Variants in SLC35D1 observed in about 807,000 individuals in gnomAD.
The protein encoded by SLC35D1 is nucleotide sugar transporter SLC35D1.
In SLC35D1, 31 loss-of-function variants were observed where a neutral mutation model predicts 46.7. The ratio of observed to expected loss-of-function variants is 0.66; its 90% CI spans 0.50 to 0.90. The LOEUF (loss-of-function observed/expected upper bound fraction) is 0.90, where lower values mean the gene tolerates loss of function less well. Among genes scored for constraint, SLC35D1 ranks in the 40% least tolerant of loss-of-function variants. The pLI is 0.00. For synonymous variants in SLC35D1, 195 were observed against 164.6 expected, an observed-to-expected ratio of 1.18 and a Z score of -1.41; for missense variants, 397 against 426.2, an observed-to-expected ratio of 0.93 and a Z score of 0.60.
chr1:66,994,876 C>A (rs1570596087), downstream of SLC35D1, among the ~76,000 whole-genome samples: 2 of 130,306 alleles, frequency 1.5e-5, no homozygotes, highest in African/African-American at 2.9e-5. Context: ...AAAATGTTCC[C>A]AAAGTTAAAA....
the SLC35D1 span, among the ~76,000 whole-genome samples, chr1:66,988,899 T>C: frequency 6.6e-6 from 1 of 152,228 alleles, no homozygotes; most frequent in Non-Finnish European, 1.5e-5. Context: ...GGCAGCAAAG[T>C]GTTAATGGTA....
At chr1:66,978,617 A>G in the SLC35D1 span, among the ~76,000 whole-genome samples, 2 of 152,236 alleles carry the variant, frequency 1.3e-5, no homozygotes, top group African/African-American at 4.8e-5. Context: ...TCAAGGTATT[A>G]TATAGGGAAA....
At chr1:67,029,272 A>C (rs1570626552) in intron 8 of SLC35D1, among the ~76,000 whole-genome samples, 1 of 152,244 alleles carries the variant, frequency 6.6e-6, no homozygotes, top group African/African-American at 2.4e-5. Flanking sequence ...CTCCAGACAG[A>C]CATTGCAAAT....
At chr1:66,986,021 A>G in the SLC35D1 span, 2 of 993,652 alleles carry the variant, frequency 2.0e-6, no homozygotes, top group African/African-American at 1.7e-5. Flanking sequence ...TATATGCATC[A>G]TAAAATTTCC....
intron 8 of SLC35D1, among the ~76,000 whole-genome samples, chr1:67,030,927 A>C (rs1031463928): frequency 6.6e-6 from 1 of 152,198 alleles, no homozygotes; most frequent in Non-Finnish European, 1.5e-5. Context: ...TGTGGGACAG[A>C]AAGGCCAGAT....
intron 7 of SLC35D1, among the ~76,000 whole-genome samples, chr1:67,042,835 G>A (rs776193453): frequency 9.2e-5 from 14 of 151,950 alleles, no homozygotes; most frequent in African/African-American, 1.9e-4. Context: ...AGGCTGAGGC[G>A]GACAGATTGC....
intron 6 of SLC35D1, 26 bp downstream of exon 6, chr1:67,049,756 G>A (rs200637137): frequency 6.3e-7 from 1 of 1,588,508 alleles, no homozygotes; most frequent in East Asian, 2.2e-5. Flanking sequence ...AATTTATAAT[G>A]TGCTAGTCAT....
At chr1:67,016,789 CAG>C (rs1667694605) in intron 10 of SLC35D1, among the ~76,000 whole-genome samples, 1 of 152,020 alleles carries the variant, frequency 6.6e-6, no homozygotes, top group Non-Finnish European at 1.5e-5. Flanking sequence ...TAATAGGACA[CAG>C]AGACACTGGT....
the SLC35D1 span, chr1:66,984,990 T>C: frequency 7.0e-7 from 1 of 1,438,310 alleles, no homozygotes; most frequent in Non-Finnish European, 9.1e-7. Flanking sequence ...GTTGATTTCC[T>C]TGAAGCAGTT....
chr1:67,019,964 C>A (rs1304106836), intron 10 of SLC35D1, among the ~76,000 whole-genome samples: 3 of 151,946 alleles, frequency 2.0e-5, no homozygotes, highest in African/African-American at 2.4e-5. Flanking sequence ...ATAGGAAAAC[C>A]CCCCCAATTA....
chr1:67,032,727 TA>T (rs1668042963), intron 8 of SLC35D1, among the ~76,000 whole-genome samples: 1 of 151,956 alleles, frequency 6.6e-6, no homozygotes, highest in African/African-American at 2.4e-5. Flanking sequence ...GTAAATGGGG[TA>T]TCCATCCCCT....
intron 8 of SLC35D1, chr1:67,031,893 G>A (rs970886979): frequency 3.7e-4 from 81 of 216,870 alleles, no homozygotes; most frequent in African/African-American, 1.7e-3. Flanking sequence ...TTCTCCCTAA[G>A]ATAGGAAATA....
At chr1:67,047,399 C>T (rs774962229) in intron 6 of SLC35D1, 32 bp from the exon 7 acceptor site, 1 of 1,544,968 alleles carries the variant, frequency 6.5e-7, no homozygotes, top group East Asian at 2.2e-5. Flanking sequence ...TTAAGAACAA[C>T]TTAAAGAACA....
intron 8 of SLC35D1, among the ~76,000 whole-genome samples, chr1:67,022,207 A>G (rs1282528640): frequency 6.6e-6 from 1 of 152,174 alleles, no homozygotes; most frequent in African/African-American, 2.4e-5. Flanking sequence ...TGATCATCTC[A>G]TCTCTTGTCC....
intron 3 of SLC35D1, among the ~76,000 whole-genome samples, chr1:67,052,548 T>G (rs1430267193): frequency 6.6e-6 from 1 of 152,176 alleles, no homozygotes; most frequent in Non-Finnish European, 1.5e-5. Flanking sequence ...GTGCATTAAT[T>G]AAAAACAGAA....
At position 67,020,572 on chromosome 1, in the gene SLC35D1, C is replaced by T. The variant is rs148294304; in HGVS notation, c.798-125G>A. 111 of 720,810 alleles carry T rather than the reference C, an allele frequency of 1.5e-4. No individual in the cohort carries two copies. In the East Asian group the frequency reaches 3.0e-3, roughly 19 times the overall value. 44.7% of individuals were successfully genotyped at this position (720,810 alleles called of 1,614,324 possible). On this transcript the variant is annotated intron_variant, in intron 9 of 11. Transcript: ENST00000235345. ...ACTGACCAGCTATGAATTTTCCCCA[C>T]CTCACTGCTTCTTATACTGCAGCTT...
At chr1:66,984,545 G>T in the SLC35D1 span, 1 of 1,503,446 alleles carries the variant, frequency 6.7e-7, no homozygotes, top group East Asian at 2.3e-5. Context: ...TCTAATTGTG[G>T]TTTCATTTAT....
rs200878411 is a variant in SLC35D1 at position 67,031,595 on chromosome 1, T to G, written c.730-9993A>C. On this transcript the variant is annotated intron_variant, in intron 8 of 11. Transcript: ENST00000235345. ...CAACAACATGTTCTCAATTTTTTTT[T>G]CCTTTATGGCTCCACGTGGTTACCA... Among the ~76,000 whole-genome samples, 18 of 152,314 alleles carry G rather than the reference T, an allele frequency of 1.2e-4. No homozygotes were observed. In the East Asian group the frequency reaches 3.3e-3, roughly 28 times the overall value.
chr1:66,978,549 A>G, the SLC35D1 span, among the ~76,000 whole-genome samples: 1 of 152,230 alleles, frequency 6.6e-6, no homozygotes, highest in African/African-American at 2.4e-5. Flanking sequence ...CAAGCATAAT[A>G]ATATAGAATT....
Sources: allele counts gnomAD v4.1 joint callset (sites outside exome capture counted in the v4.1 genomes callset), GRCh38; gene constraint gnomAD v4.1.1; transcripts MANE v1.5; gene names NCBI Gene and HGNC (gene_info 2026-07-23, HGNC 2026-07-21).